The following IL4R variants were observed in gnomAD, a reference collection of about 807,000 sequenced individuals.
IL4R encodes interleukin 4 receptor, also known as interleukin-4 receptor subunit alpha.
In IL4R, 17 loss-of-function variants were observed where a neutral mutation model predicts 41.5. The ratio of observed to expected loss-of-function variants is 0.41; its 90% CI spans 0.28 to 0.61. The LOEUF is 0.61. IL4R is among the 20% of genes least tolerant of loss of function. The pLI, the probability that IL4R is intolerant of heterozygous loss-of-function variation, is 0.31. For synonymous variants in IL4R, 402 were observed against 422.9 expected (o/e 0.95, Z 0.61); for missense variants, 974 against 1,043.1 (o/e 0.93, Z 0.91).
chr16:27,344,959 A>G lies in IL4R; in HGVS notation c.300A>G (p.Thr100=), dbSNP rs765284416. Residue 100 remains threonine, a synonymous_variant, in exon 5 of 11, where the codon ACA becomes ACG. Transcript: ENST00000395762. Reference sequence around the variant, plus strand: ...ACGTGGTCAGTGCGGATAACTATACACTGGACCTGTGGGCTGGGCAGCAGC... The same window carrying G: ...ACGTGGTCAGTGCGGATAACTATACGCTGGACCTGTGGGCTGGGCAGCAGC... ...MDDVVSADNY[T]LDLWAGQQLL... is the part of the protein sequence containing the mutation. 13 of 1,613,914 alleles carry G rather than the reference A, an allele frequency of 8.1e-6. No homozygotes were observed. The Admixed American group carries it at 1.7e-4, about 21-fold the overall frequency.
Position 27,345,100 on chromosome 16 carries a change from G to T in IL4R, c.361+80G>T. ...GGCTGAGGGTGGGGTGGGCAGGGGA[G>T]GAGGTGGGGTCATAGCAACAGCAGG... On this transcript the variant is annotated intron_variant, in intron 5 of 10. Coordinates refer to ENST00000395762, the MANE Select transcript of IL4R (RefSeq NM_000418.4). The surrounding 1 kb of genome is among the most constrained non-coding windows in gnomAD (Gnocchi z 4.5). 1 of 1,034,704 alleles carries T rather than the reference G, an allele frequency of 9.7e-7. No homozygotes were observed. Among genetic ancestry groups the T allele is most frequent in the Middle Eastern group, 2.8e-4 (1 of 3,602 alleles). 64.1% of individuals were successfully genotyped at this position (1,034,704 alleles called of 1,614,324 possible).
At chr16:27,337,581 T>C (rs1019296439) in intron 2 of IL4R, among the ~76,000 whole-genome samples, 2 of 151,616 alleles carry the variant, frequency 1.3e-5, no homozygotes, top group Admixed American at 6.6e-5. Context: ...TTTTCTTTTT[T>C]TTTTTTTTCT....
intron 4 of IL4R, 147 bp from the exon 5 acceptor site, chr16:27,344,722 C>A (rs939210835): frequency 1.2e-5 from 10 of 825,550 alleles, no homozygotes; most frequent in Non-Finnish European, 1.9e-5. Context: ...ACACCCTGGC[C>A]GCTCCCAAGC....
chr16:27,355,320 G>A (rs185469326), intron 7 of IL4R: 4 of 302,072 alleles, frequency 1.3e-5, no homozygotes, highest in African/African-American at 4.3e-5. Context: ...GAAGTCAACC[G>A]TGTTGAGATG....
intron 6 of IL4R, among the ~76,000 whole-genome samples, chr16:27,349,802 T>G (rs560544051): frequency 1.3e-5 from 2 of 152,296 alleles, no homozygotes; most frequent in Non-Finnish European, 2.9e-5. Context: ...CAGGCTGGAA[T>G]GCAGGGGCGT....
intron 10 of IL4R, among the ~76,000 whole-genome samples, chr16:27,361,610 CTTTTTTTTTTTTT>C (rs34798776): frequency 1.8e-5 from 2 of 111,782 alleles, no homozygotes; most frequent in Non-Finnish European, 3.6e-5. Flanking sequence ...GATCCCGCAT[CTTTTTTTTTTTTT>C]TTTTTTTTTG....
chr16:27,362,813 G>T lies in IL4R; in HGVS notation c.1461G>T (p.Thr487=), dbSNP rs1389225742. 1 of 1,614,136 alleles carries T rather than the reference G, an allele frequency of 6.2e-7. No homozygotes were observed. Among genetic ancestry groups the T allele is most frequent in the Non-Finnish European group, 8.5e-7 (1 of 1,180,034 alleles). ...QSPDNLTCTE[T]PLVIAGNPAY... is the part of the protein sequence containing the mutation. ...CAGACAACCTGACTTGCACAGAGAC[G>T]CCCCTCGTCATCGCAGGCAACCCTG... The change falls in exon 11 of 11, where the codon ACG becomes ACT. Residue 487 remains threonine (T), a synonymous_variant. Coordinates refer to ENST00000395762, the MANE Select transcript of IL4R (RefSeq NM_000418.4).
intron 7 of IL4R, among the ~76,000 whole-genome samples, chr16:27,353,457 TATAA>T (rs1212020388): frequency 1.3e-5 from 2 of 152,230 alleles, no homozygotes; most frequent in African/African-American, 4.8e-5. Flanking sequence ...TATTAAGATC[TATAA>T]ATAATAAGTT....
chr16:27,362,731 G>A lies in IL4R; in HGVS notation c.1379G>A (p.Gly460Asp), dbSNP rs142800677. The change falls in exon 11 of 11, where the codon GGC (glycine) becomes GAC (aspartate). Residue 460 changes from glycine to aspartate, a missense_variant. By Grantham distance (94) the Gly-to-Asp change is moderately conservative. Transcript: ENST00000395762. ...GGGCCCAAGGAGGCACCTCCCTGGG[G>A]CAAGGAGCAGCCTCTCCACCTGGAG... ...SAGPKEAPPW[G>D]KEQPLHLEPS... The A allele has an allele frequency of 9.9e-6, 16 of 1,614,084 alleles. No individual in the cohort carries two copies. The highest frequency in any genetic ancestry group is 1.3e-5 in the Non-Finnish European group (15 of 1,180,008).
intron 1 of IL4R, among the ~76,000 whole-genome samples, chr16:27,326,749 G>A (rs1221316556): frequency 6.6e-6 from 1 of 152,182 alleles, no homozygotes; most frequent in Non-Finnish European, 1.5e-5. Flanking sequence ...GGAGGCTGGT[G>A]GGTGCTGTTG....
chr16:27,314,742 A>T (rs921733329), intron 1 of IL4R, among the ~76,000 whole-genome samples: 1 of 152,172 alleles, frequency 6.6e-6, no homozygotes, highest in Non-Finnish European at 1.5e-5. Flanking sequence ...ACGTTTGAGG[A>T]GCCCCCACAA....
chr16:27,327,077 G>A (rs770412814), intron 1 of IL4R, among the ~76,000 whole-genome samples: 5 of 152,162 alleles, frequency 3.3e-5, no homozygotes, highest in African/African-American at 1.2e-4. Context: ...TTGCGCCACA[G>A]GAGCTGAGGT....
intron 2 of IL4R, among the ~76,000 whole-genome samples, chr16:27,339,422 G>A (rs576966508): frequency 3.0e-4 from 45 of 152,224 alleles, no homozygotes; most frequent in African/African-American, 1.1e-3. Context: ...TCCGGTCACT[G>A]TTGGAGGGCT....
intron 1 of IL4R, among the ~76,000 whole-genome samples, chr16:27,323,516 C>T (rs1337936985): frequency 6.6e-6 from 1 of 152,230 alleles, no homozygotes; most frequent in East Asian, 1.9e-4. Context: ...AGCCCACTCA[C>T]TAGCTGTGCA....
chr16:27,345,159 G>A lies in IL4R; in HGVS notation c.361+139G>A, dbSNP rs2085596436. Reference sequence around the variant, plus strand: ...GCCTGTATTTTCCCAAATCTGATGGGATTCCTGCCCCTGCCTGGGCCTCAG... The same window carrying A: ...GCCTGTATTTTCCCAAATCTGATGGAATTCCTGCCCCTGCCTGGGCCTCAG... On this transcript the variant is annotated intron_variant, in intron 5 of 10. Coordinates refer to ENST00000395762, the MANE Select transcript of IL4R (RefSeq NM_000418.4). The surrounding 1 kb of genome is among the most constrained non-coding windows in gnomAD (Gnocchi z 4.5). 4.2e-6 allele frequency: 4 copies of A among 951,704 alleles called. No individual in the cohort carries two copies. The highest frequency in any genetic ancestry group is 4.1e-4 in the Middle Eastern group (2 of 4,914). 59.0% of individuals were successfully genotyped at this position (951,704 alleles called of 1,614,324 possible).
intron 1 of IL4R, chr16:27,318,661 T>TGGCTGAGGCAGGGGAATGGCGTGAACC (rs1596739963): frequency 6.6e-6 from 1 of 152,250 alleles, no homozygotes; most frequent in East Asian, 1.9e-4. Context: ...CCTCACCTCT[T>TGGCTGAGGCAGGGGAATGGCGTGAACC]CTCGTTTGCT....
In IL4R at chr16:27,363,636, C is replaced by T. The variant is rs2086389991; in HGVS notation, c.2284C>T (p.Pro762Ser). The change falls in exon 11 of 11, where the codon CCA becomes TCA. Residue 762 changes from proline to serine, a missense_variant. Coordinates refer to ENST00000395762, the MANE Select transcript of IL4R (RefSeq NM_000418.4). ...GCCCCCTACAACCCCCCTGAGGGCC[C>T]CAGACCCCTCTCCAGGTGGGGTTCC... Reference protein sequence around the residue: ...SSPPTTPLRAPDPSPGGVPLE... With the variant: ...SSPPTTPLRASDPSPGGVPLE... The T allele has an allele frequency of 2.5e-6, 4 of 1,613,688 alleles. No individual in the cohort carries two copies. The highest frequency in any genetic ancestry group is 1.7e-5 in the Admixed American group (1 of 59,992).
chr16:27,349,048 C>T (rs553047364), intron 6 of IL4R, among the ~76,000 whole-genome samples: 1 of 152,182 alleles, frequency 6.6e-6, no homozygotes, highest in East Asian at 1.9e-4. Context: ...GTGGGTGGAA[C>T]AGTGGCAACT....
chr16:27,351,074 T>TC (rs1882533343), intron 6 of IL4R, among the ~76,000 whole-genome samples: 2 of 152,196 alleles, frequency 1.3e-5, no homozygotes, highest in African/African-American at 4.8e-5. Context: ...CTTTAGAGTC[T>TC]CGTGAGGCTA....
Sources: allele counts gnomAD v4.1 joint callset (sites outside exome capture counted in the v4.1 genomes callset), GRCh38; gene constraint gnomAD v4.1.1; non-coding constraint Gnocchi (gnomAD v3.1); transcripts MANE v1.5; gene names NCBI Gene and HGNC (gene_info 2026-07-23, HGNC 2026-07-21).